UPP2: variants seen among roughly 807,000 people sequenced by gnomAD.
UPP2 encodes the protein uridine phosphorylase 2.
Under a neutral mutation model 26.7 loss-of-function variants are expected in UPP2, and 23 were observed. That is an observed-to-expected ratio of 0.86 (90% CI 0.62 to 1.22). The LOEUF (loss-of-function observed/expected upper bound fraction) is 1.22, where lower values mean the gene tolerates loss of function less well. Among genes scored for constraint, UPP2 ranks in the 50% most tolerant of loss-of-function variants. The probability of loss-of-function intolerance (pLI) is 0.00; values close to 1 mark genes in which losing one functional copy is unlikely to be tolerated. For synonymous variants in UPP2, 127 were observed against 141.3 expected (o/e 0.90, Z 0.72); for missense variants, 387 against 396.7 (o/e 0.98, Z 0.21).
intron 3 of UPP2, among the ~76,000 whole-genome samples, chr2:158,054,092 G>A (rs1682205946): frequency 6.6e-6 from 1 of 152,086 alleles, no homozygotes; most frequent in Non-Finnish European, 1.5e-5. Context: ...CCAACATGAT[G>A]AAACCCCGTC....
intron 2 of UPP2, among the ~76,000 whole-genome samples, chr2:157,999,068 C>T (rs1683365758): frequency 6.6e-6 from 1 of 152,086 alleles, no homozygotes. Flanking sequence ...TTGACATGTC[C>T]TCATTTGTAG....
At chr2:158,073,000 AT>A (rs1337044694) in intron 3 of UPP2, among the ~76,000 whole-genome samples, 2 of 152,192 alleles carry the variant, frequency 1.3e-5, no homozygotes, top group Non-Finnish European at 2.9e-5. Flanking sequence ...CCATGGACCA[AT>A]CCTGGAAAAA....
At chr2:157,998,390 TCTG>T (rs1683355160) in intron 2 of UPP2, among the ~76,000 whole-genome samples, 1 of 152,218 alleles carries the variant, frequency 6.6e-6, no homozygotes, top group Admixed American at 6.5e-5. Context: ...CTTGAAATGC[TCTG>T]TGATTACTCT....
chr2:158,103,265 A>T (rs747220009), intron 1 of UPP2, among the ~76,000 whole-genome samples: 1 of 152,224 alleles, frequency 6.6e-6, no homozygotes. Flanking sequence ...CGGAGAAATC[A>T]TTAGACGTTG....
In UPP2 at chr2:158,115,112, C is replaced by T. The variant is rs747254921; in HGVS notation, c.192C>T (p.Val64=). 51 of 1,603,950 alleles carry T rather than the reference C, an allele frequency of 3.2e-5. 1 individual carries two copies. The highest frequency in any genetic ancestry group is 1.7e-4 in the Middle Eastern group (1 of 5,996). The stretch of plus-strand genomic sequence containing the variant: ...ATTTTTATTAACAGTTTGTCTGTGT[C>T]GGTGGGAGCCCCAACAGAATGAAAG... ...AMFGDVKFVC[V]GGSPNRMKAF... Residue 64 remains valine (V), a synonymous_variant, in exon 3 of 7, where the codon GTC becomes GTT. Transcript: ENST00000005756.
intron 2 of UPP2, among the ~76,000 whole-genome samples, chr2:157,999,904 A>G (rs1363637161): frequency 6.6e-6 from 1 of 152,210 alleles, no homozygotes; most frequent in East Asian, 1.9e-4. Flanking sequence ...AAAAACATCA[A>G]AAGAGATGGA....
chr2:157,995,350 G>A, intron 2 of UPP2: 1 of 1,400,068 alleles, frequency 7.1e-7, no homozygotes, highest in Non-Finnish European at 1.0e-6. Flanking sequence ...TTTGAATTAT[G>A]TGGTTGATGT....
In UPP2 at chr2:158,041,963, GC is replaced by G. The variant is rs748041407; in HGVS notation, c.147+26079del. Among the ~76,000 whole-genome samples, 86 of 152,320 alleles carry G rather than the reference GC, an allele frequency of 5.6e-4. 1 individual carries two copies. Among genetic ancestry groups the G allele is most frequent in the Non-Finnish European group, 1.1e-3 (72 of 68,024 alleles). The stretch of plus-strand genomic sequence containing the variant: ...TCATGTTTCCCAAGGAAATCAAAAA[GC>G]CTATCTAATCCCTGACTTAATCTTA... On this transcript the variant is annotated intron_variant, in intron 3 of 9. Transcript: ENST00000605860.
chr2:158,115,358 T>A (rs962533321), intron 3 of UPP2, 99 bp downstream of exon 3: 22 of 1,397,006 alleles, frequency 1.6e-5, no homozygotes, highest in Non-Finnish European at 1.6e-5. Flanking sequence ...AGCTTCGCAT[T>A]CTTACACAAT....
chr2:158,116,422 A>G (rs960147356), intron 3 of UPP2, among the ~76,000 whole-genome samples: 2 of 152,218 alleles, frequency 1.3e-5, no homozygotes, highest in African/African-American at 4.8e-5. Flanking sequence ...AAAACTTCAC[A>G]GTAAGAAATG....
intron 3 of UPP2, among the ~76,000 whole-genome samples, chr2:158,026,871 A>G (rs1683840730): frequency 6.6e-6 from 1 of 152,166 alleles, no homozygotes; most frequent in Non-Finnish European, 1.5e-5. Context: ...CTTCTTACAT[A>G]GTGACAGCAA....
At chr2:158,072,998 C>T (rs573209343) in intron 3 of UPP2, among the ~76,000 whole-genome samples, 18 of 152,034 alleles carry the variant, frequency 1.2e-4, no homozygotes, top group Admixed American at 6.6e-4. Context: ...TACCATGGAC[C>T]AATCCTGGAA....
At chr2:158,059,942 G>A (rs1025567236) in intron 3 of UPP2, among the ~76,000 whole-genome samples, 1 of 152,086 alleles carries the variant, frequency 6.6e-6, no homozygotes, top group Non-Finnish European at 1.5e-5. Flanking sequence ...TCAAGATGTT[G>A]GGAGAATGCA....
chr2:158,062,284 T>G (rs1336416998), intron 3 of UPP2, among the ~76,000 whole-genome samples: 1 of 152,226 alleles, frequency 6.6e-6, no homozygotes, highest in Non-Finnish European at 1.5e-5. Context: ...AAACACATTT[T>G]AAATTACATT....
intron 3 of UPP2, among the ~76,000 whole-genome samples, chr2:158,093,549 T>C (rs1209775679): frequency 6.6e-6 from 1 of 151,778 alleles, no homozygotes; most frequent in African/African-American, 2.4e-5. Context: ...AAAAATAAAA[T>C]ACCCAAAAGA....
chr2:158,029,408 C>T (rs545173811), intron 3 of UPP2, among the ~76,000 whole-genome samples: 2 of 152,300 alleles, frequency 1.3e-5, no homozygotes, highest in African/African-American at 2.4e-5. Context: ...AGTTACATTG[C>T]TTTAATTTCC....
chr2:158,132,366 A>T (rs529557461), intron 6 of UPP2, among the ~76,000 whole-genome samples: 43 of 152,014 alleles, frequency 2.8e-4, no homozygotes, highest in Non-Finnish European at 5.6e-4. Context: ...AAGGTAGAGA[A>T]CTCTTCTCTC....
intron 3 of UPP2, among the ~76,000 whole-genome samples, chr2:158,026,025 A>C (rs1683827756): frequency 6.6e-6 from 1 of 152,116 alleles, no homozygotes; most frequent in Non-Finnish European, 1.5e-5. Flanking sequence ...GTGGTGATGA[A>C]GTACAGCAGC....
At chr2:158,072,873 G>A (rs1682565533) in intron 3 of UPP2, among the ~76,000 whole-genome samples, 1 of 152,076 alleles carries the variant, frequency 6.6e-6, no homozygotes, top group South Asian at 2.1e-4. Flanking sequence ...GCACAAACAA[G>A]CCCAGACTGT....
Sources: allele counts gnomAD v4.1 joint callset (sites outside exome capture counted in the v4.1 genomes callset), GRCh38; gene constraint gnomAD v4.1.1; transcripts MANE v1.5; gene names NCBI Gene and HGNC (gene_info 2026-07-23, HGNC 2026-07-21).